Variants in MRPS28 observed in about 807,000 individuals in gnomAD.
MRPS28 encodes mitochondrial ribosomal protein S28, also known as small ribosomal subunit protein bS1m.
MRPS28 carries 7 observed loss-of-function variants against 10.8 expected under a neutral mutation model. The ratio of observed to expected loss-of-function variants is 0.65; its 90% CI spans 0.37 to 1.22. The LOEUF is 1.22. Ranked by LOEUF, MRPS28 falls within the 50% of genes most tolerant of loss-of-function variation. The probability of loss-of-function intolerance (pLI) is 0.02; values close to 1 mark genes in which losing one functional copy is unlikely to be tolerated. For missense variants in MRPS28, 265 were observed against 232.9 expected (o/e 1.14, Z -0.90); for synonymous variants, 121 against 93.3 (o/e 1.30, Z -1.71).
chr8:79,967,648 TAGAC>T (rs923472621), intron 2 of MRPS28, among the ~76,000 whole-genome samples: 20 of 152,316 alleles, frequency 1.3e-4, no homozygotes, highest in Admixed American at 6.5e-4. Context: ...CTATGCCTGT[TAGAC>T]AGGTGTCAAG....
intron 2 of MRPS28, among the ~76,000 whole-genome samples, chr8:79,965,308 C>G (rs1252174281): frequency 6.6e-6 from 1 of 152,022 alleles, no homozygotes; most frequent in African/African-American, 2.4e-5. Context: ...TAAGCAAACC[C>G]AGGCAATTTG....
chr8:79,993,022 G>C (rs1808408170), intron 2 of MRPS28, among the ~76,000 whole-genome samples: 1 of 152,126 alleles, frequency 6.6e-6, no homozygotes, highest in Admixed American at 6.5e-5. Context: ...GAGTCCCTAT[G>C]AGTCTCTAGA....
intron 1 of MRPS28, among the ~76,000 whole-genome samples, chr8:80,011,148 T>TTTGTAAGCCATTC (rs1809035667): frequency 6.6e-6 from 1 of 151,490 alleles, no homozygotes; most frequent in Admixed American, 6.6e-5. Context: ...TTTATTTTTT[T>TTTGTAAGCCATTC]TTGTAAGCCA....
chr8:79,953,311 A>C (rs954360718), intron 2 of MRPS28, among the ~76,000 whole-genome samples: 3 of 152,234 alleles, frequency 2.0e-5, no homozygotes, highest in Non-Finnish European at 4.4e-5. Flanking sequence ...TGTCAAAGGC[A>C]GAGGGTTCTA....
At chr8:79,984,632 C>G (rs556910246) in intron 2 of MRPS28, among the ~76,000 whole-genome samples, 17 of 152,184 alleles carry the variant, frequency 1.1e-4, no homozygotes, top group Non-Finnish European at 1.9e-4. Context: ...ATCCTAGTCT[C>G]TGATAAAACA....
At chr8:79,978,850 T>C (rs1227554385) in intron 2 of MRPS28, among the ~76,000 whole-genome samples, 1 of 152,236 alleles carries the variant, frequency 6.6e-6, no homozygotes. Flanking sequence ...TAAAATGTAG[T>C]AATCAGAATG....
At chr8:79,958,837 G>A (rs551183641) in intron 2 of MRPS28, among the ~76,000 whole-genome samples, 3 of 152,194 alleles carry the variant, frequency 2.0e-5, no homozygotes, top group African/African-American at 7.2e-5. Flanking sequence ...AATTAGTTTG[G>A]ATTTACTCAA....
chr8:80,004,476 C>G (rs183214641), intron 1 of MRPS28, among the ~76,000 whole-genome samples: 51 of 152,254 alleles, frequency 3.3e-4, no homozygotes, highest in Admixed American at 1.1e-3. Flanking sequence ...CACACCAAAA[C>G]CCCATCTGTA....
At chr8:80,003,867 G>A (rs1187043377) in intron 1 of MRPS28, among the ~76,000 whole-genome samples, 1 of 152,206 alleles carries the variant, frequency 6.6e-6, no homozygotes, top group African/African-American at 2.4e-5. Flanking sequence ...AGGGTCCCAT[G>A]CCCACGGAGC....
intron 2 of MRPS28, among the ~76,000 whole-genome samples, chr8:79,983,108 C>T (rs1458747488): frequency 5.3e-5 from 8 of 152,076 alleles, no homozygotes; most frequent in African/African-American, 1.2e-4. Context: ...GCAGCATTCA[C>T]GGTTCAAGAA....
chr8:79,926,555 T>C (rs1416551065), intron 2 of MRPS28, among the ~76,000 whole-genome samples: 1 of 152,240 alleles, frequency 6.6e-6, no homozygotes, highest in African/African-American at 2.4e-5. Context: ...AAAAGGACAG[T>C]CACTTCAAAT....
intron 1 of MRPS28, among the ~76,000 whole-genome samples, chr8:80,021,809 A>G (rs1394017698): frequency 6.6e-6 from 1 of 152,238 alleles, no homozygotes; most frequent in Non-Finnish European, 1.5e-5. Flanking sequence ...AAATCATTGT[A>G]GATTCACATG....
At chr8:79,935,334 TTTTC>T (rs1806580202) in intron 2 of MRPS28, among the ~76,000 whole-genome samples, 1 of 152,190 alleles carries the variant, frequency 6.6e-6, no homozygotes, top group Admixed American at 6.5e-5. Flanking sequence ...TCTTTTCTTT[TTTTC>T]TTTCTTTTCC....
intron 2 of MRPS28, 90 bp from the exon 3 acceptor site, chr8:79,919,238 A>G: frequency 1.9e-6 from 2 of 1,031,980 alleles, no homozygotes; most frequent in East Asian, 2.9e-5. Flanking sequence ...TCCAATTTTA[A>G]TTTGTGTTAG....
intron 2 of MRPS28, among the ~76,000 whole-genome samples, chr8:79,944,694 C>CTTTTTT (rs1563522576): frequency 3.2e-5 from 2 of 63,290 alleles, no homozygotes; most frequent in African/African-American, 9.3e-5. Context: ...TTTTCTTTTT[C>CTTTTTT]TTTTTTCTTT....
intron 2 of MRPS28, among the ~76,000 whole-genome samples, chr8:79,967,262 C>G (rs964863424): frequency 1.3e-5 from 2 of 152,172 alleles, no homozygotes; most frequent in Non-Finnish European, 2.9e-5. Context: ...TTTCTCTCCA[C>G]ATGTCTGCAT....
chr8:79,995,958 A>G (rs2130136459), intron 2 of MRPS28, among the ~76,000 whole-genome samples: 1 of 152,326 alleles, frequency 6.6e-6, no homozygotes, highest in South Asian at 2.1e-4. Flanking sequence ...ACAAAACTGC[A>G]GAACTGGAGG....
intron 2 of MRPS28, among the ~76,000 whole-genome samples, chr8:79,955,024 T>G (rs568304860): frequency 6.6e-6 from 1 of 152,218 alleles, no homozygotes; most frequent in Admixed American, 6.5e-5. Context: ...TATTGGAAGC[T>G]CCATCTAATG....
Position 79,943,132 on chromosome 8 carries a change from T to C in MRPS28, c.396-23984A>G, listed in dbSNP as rs149608128. Among the ~76,000 whole-genome samples the C allele has an allele frequency of 2.1e-4, 32 of 152,328 alleles. No individual in the cohort carries two copies. The East Asian group carries it at 5.2e-3, about 25-fold the overall frequency. On this transcript the variant is annotated intron_variant, in intron 2 of 2. Transcript: ENST00000276585. ...CTGTGAAGTCAGTCCAGCAGCTGCA[T>C]TAGCAAACCATGCCAATCCTACACC... is the stretch of plus-strand genomic sequence containing the variant.
Sources: gnomAD v4.1 joint callset for allele counts (sites outside exome capture counted in the v4.1 genomes callset) on GRCh38, gnomAD v4.1.1 for gene constraint, MANE v1.5 for transcripts, NCBI Gene and HGNC (gene_info 2026-07-23, HGNC 2026-07-21) for gene names.